Variants in MAP2 observed in about 807,000 individuals in gnomAD.
MAP2 encodes microtubule-associated protein 2.
Under a neutral mutation model 137.6 loss-of-function variants are expected in MAP2, and 14 were observed. The observed-to-expected ratio is 0.10, with a 90% confidence interval of 0.07 to 0.16. The LOEUF is 0.16. MAP2 is among the 10% of genes least tolerant of loss of function. The pLI, the probability that MAP2 is intolerant of heterozygous loss-of-function variation, is 1.00. For synonymous variants in MAP2, 786 were observed against 782.3 expected (o/e 1.00, Z -0.08); for missense variants, 2,088 against 2,191.5 (o/e 0.95, Z 0.94).
chr2:209,626,919 A>T (rs2092406638), intron 4 of MAP2, among the ~76,000 whole-genome samples: 1 of 152,180 alleles, frequency 6.6e-6, no homozygotes, highest in African/African-American at 2.4e-5. Context: ...AACTTATTTG[A>T]GATTTATGTA....
At chr2:209,672,640 G>A (rs1415171924) in intron 5 of MAP2, among the ~76,000 whole-genome samples, 1 of 151,740 alleles carries the variant, frequency 6.6e-6, no homozygotes, top group Non-Finnish European at 1.5e-5. Flanking sequence ...ATAAAATACT[G>A]ATGTAAATCA....
intron 7 of MAP2, chr2:209,684,522 AAAGGAGGCTGGTATACT>A (rs2056227601): frequency 6.6e-6 from 1 of 152,222 alleles, no homozygotes; most frequent in African/African-American, 2.4e-5. Flanking sequence ...TGCAGTCTCC[AAAGGAGGCTGGTATACT>A]AAGGCTGGGT....
intron 1 of MAP2, among the ~76,000 whole-genome samples, chr2:209,481,073 C>T (rs1708635610): frequency 6.6e-6 from 1 of 152,148 alleles, no homozygotes; most frequent in African/African-American, 2.4e-5. Flanking sequence ...ACAGCCTTCA[C>T]GTATCAGGGA....
chr2:209,659,995 G>A (rs2042670179), intron 5 of MAP2, among the ~76,000 whole-genome samples: 3 of 151,976 alleles, frequency 2.0e-5, no homozygotes, highest in African/African-American at 4.8e-5. Context: ...CCGAGATGGC[G>A]CCACTGCACT....
chr2:209,603,627 A>G (rs2083676545), intron 3 of MAP2, among the ~76,000 whole-genome samples: 1 of 152,172 alleles, frequency 6.6e-6, no homozygotes. Context: ...CCCAGTCTTT[A>G]ATCCCTGTGA....
chr2:209,646,015 G>A (rs1443831890), intron 4 of MAP2, among the ~76,000 whole-genome samples: 1 of 151,964 alleles, frequency 6.6e-6, no homozygotes, highest in Admixed American at 6.6e-5. Context: ...GCAAAACCTT[G>A]ACTCTCTAAA....
At chr2:209,660,022 A>G (rs937348654) in intron 5 of MAP2, among the ~76,000 whole-genome samples, 2 of 152,082 alleles carry the variant, frequency 1.3e-5, no homozygotes, top group Non-Finnish European at 2.9e-5. Flanking sequence ...TGGGCGACAG[A>G]GCGAGACTCA....
At chr2:209,715,570 G>C (rs372803673) in intron 13 of MAP2, among the ~76,000 whole-genome samples, 3 of 152,098 alleles carry the variant, frequency 2.0e-5, no homozygotes, top group African/African-American at 7.2e-5. Flanking sequence ...GAAAAATAAA[G>C]ATAAGAAAGA....
At chr2:209,537,293 C>CA (rs2066125390) in intron 2 of MAP2, among the ~76,000 whole-genome samples, 1 of 151,996 alleles carries the variant, frequency 6.6e-6, no homozygotes, top group Admixed American at 6.6e-5. Context: ...TTGAGACCCC[C>CA]AAAACTACAA....
intron 13 of MAP2, among the ~76,000 whole-genome samples, chr2:209,724,938 A>C (rs2153811115): frequency 6.6e-6 from 1 of 152,348 alleles, no homozygotes; most frequent in African/African-American, 2.4e-5. Context: ...AGGATAATTA[A>C]AGATCTTAAA....
At chr2:209,709,432 C>G (rs16843555) in intron 12 of MAP2, among the ~76,000 whole-genome samples, 1 of 152,084 alleles carries the variant, frequency 6.6e-6, no homozygotes, top group South Asian at 2.1e-4. Flanking sequence ...CAGGCCAAAA[C>G]TATGTGTCCT....
At chr2:209,546,756 A>G (rs911626659) in intron 2 of MAP2, among the ~76,000 whole-genome samples, 1 of 152,218 alleles carries the variant, frequency 6.6e-6, no homozygotes, top group Non-Finnish European at 1.5e-5. Flanking sequence ...AAGAATCTAT[A>G]TGCATGGCTT....
At chr2:209,573,914 G>A (rs948716383) in intron 2 of MAP2, among the ~76,000 whole-genome samples, 1 of 152,076 alleles carries the variant, frequency 6.6e-6, no homozygotes, top group African/African-American at 2.4e-5. Context: ...CTTTCACTGA[G>A]TATAATGGCT....
chr2:209,694,402 T>A lies in MAP2; in HGVS notation c.2232T>A (p.Asp744Glu), dbSNP rs2153720944. Residue 744 changes from aspartate (D) to glutamate (E), a missense_variant, in exon 8 of 16, where the codon GAT (aspartate) becomes GAA (glutamate). Physicochemically the swap from Asp to Glu is conservative, Grantham distance 45 (BLOSUM62 2). Coordinates refer to ENST00000682079, the MANE Select transcript of MAP2 (RefSeq NM_001375505.1). Reference protein sequence around the residue: ...NTSGSMDEGDDYLPATTPALE... With the variant: ...NTSGSMDEGDEYLPATTPALE... Reference sequence around the variant, plus strand: ...GTGGAAGTATGGATGAAGGGGATGATTACCTTCCAGCCACCACACCTGCAC... The same window carrying A: ...GTGGAAGTATGGATGAAGGGGATGAATACCTTCCAGCCACCACACCTGCAC... 1.2e-6 allele frequency: 2 copies of A among 1,614,024 alleles called. No homozygotes were observed. Among genetic ancestry groups the A allele is most frequent in the East Asian group, 4.5e-5 (2 of 44,874 alleles).
At chr2:209,637,568 GA>G (rs1260491133) in intron 4 of MAP2, among the ~76,000 whole-genome samples, 1 of 152,006 alleles carries the variant, frequency 6.6e-6, no homozygotes, top group Non-Finnish European at 1.5e-5. Flanking sequence ...GAAAAGAAAA[GA>G]AAAATGGGAG....
rs568057098 is a variant in MAP2 at position 209,508,900 on chromosome 2, A to AT, written c.-172+1265dup. 1.7e-4 allele frequency among the ~76,000 whole-genome samples: 26 copies of AT among 151,964 alleles called. No individual in the cohort carries two copies. The East Asian group carries it at 4.1e-3, about 24-fold the overall frequency. On this transcript the variant is annotated intron_variant, in intron 2 of 15. Transcript: ENST00000682079. ...AGATTTGTGAACATTTAAATGTGCA[A>AT]TTTTTTAAGATTTTTTGAATTTTTT...
chr2:209,504,788 A>G (rs2060829157), intron 1 of MAP2, among the ~76,000 whole-genome samples: 1 of 152,182 alleles, frequency 6.6e-6, no homozygotes, highest in Non-Finnish European at 1.5e-5. Context: ...ATAAATCACA[A>G]TCCCTTTCCA....
intron 1 of MAP2, among the ~76,000 whole-genome samples, chr2:209,468,665 A>G (rs1475992263): frequency 1.3e-5 from 2 of 152,180 alleles, no homozygotes; most frequent in African/African-American, 4.8e-5. Flanking sequence ...CGTTGAGTTT[A>G]TCAAGAGTTT....
intron 5 of MAP2, among the ~76,000 whole-genome samples, chr2:209,659,271 C>T (rs550326494): frequency 2.2e-4 from 33 of 151,750 alleles, no homozygotes; most frequent in African/African-American, 7.3e-4. Context: ...TTCTTGCTCT[C>T]AGGATTAATT....
Sources: allele counts gnomAD v4.1 joint callset (sites outside exome capture counted in the v4.1 genomes callset), GRCh38; gene constraint gnomAD v4.1.1; transcripts MANE v1.5; gene names NCBI Gene and HGNC (gene_info 2026-07-23, HGNC 2026-07-21).